CTNNA2: variants seen among roughly 807,000 people sequenced by gnomAD.
CTNNA2 encodes catenin alpha 2.
Under a neutral mutation model 101.0 loss-of-function variants are expected in CTNNA2, and 42 were observed. That is an observed-to-expected ratio of 0.42 (90% CI 0.32 to 0.54). The LOEUF (loss-of-function observed/expected upper bound fraction) is 0.54, where lower values mean the gene tolerates loss of function less well. CTNNA2 is among the 20% of genes least tolerant of loss of function. CTNNA2 has a pLI of 0.14. For synonymous variants in CTNNA2, 450 were observed against 456.4 expected, an observed-to-expected ratio of 0.99 and a Z score of 0.18; for missense variants, 871 against 1,223.1, an observed-to-expected ratio of 0.71 and a Z score of 4.29.
At chr2:79,496,154 A>C (rs1671253839) in intron 4 of CTNNA2, among the ~76,000 whole-genome samples, 1 of 152,192 alleles carries the variant, frequency 6.6e-6, no homozygotes, top group African/African-American at 2.4e-5. Flanking sequence ...CTAAACAAAT[A>C]ATATTCTAAA....
chr2:79,374,965 T>A (rs1448211224), intron 4 of CTNNA2, among the ~76,000 whole-genome samples: 2 of 151,976 alleles, frequency 1.3e-5, no homozygotes, highest in East Asian at 3.9e-4. Context: ...TAACAGAGAG[T>A]GAGGGATGGA....
intron 2 of CTNNA2, among the ~76,000 whole-genome samples, chr2:79,245,811 G>C (rs1558585499): frequency 6.6e-6 from 1 of 152,082 alleles, no homozygotes; most frequent in Non-Finnish European, 1.5e-5. Context: ...CTAATGTTTT[G>C]AGCTTCAGGT....
intron 4 of CTNNA2, among the ~76,000 whole-genome samples, chr2:79,404,145 A>G (rs114329869): frequency 0.41 from 61,168 of 149,618 alleles, 13,330 homozygotes; most frequent in Non-Finnish European, 0.49. Flanking sequence ...AATAAATGTA[A>G]AAAAAAAAAA....
chr2:79,298,457 C>T (rs1475951792), intron 2 of CTNNA2, among the ~76,000 whole-genome samples: 1 of 152,118 alleles, frequency 6.6e-6, no homozygotes, highest in Non-Finnish European at 1.5e-5. Flanking sequence ...AATTATACAT[C>T]ACCGCTACAA....
intron 7 of CTNNA2, among the ~76,000 whole-genome samples, chr2:80,280,788 C>A (rs181025617): frequency 1.7e-4 from 26 of 152,134 alleles, no homozygotes; most frequent in African/African-American, 5.8e-4. Context: ...ACATAAATTA[C>A]CCTTTTGCCC....
At chr2:79,954,132 G>A (rs1411651821) in intron 7 of CTNNA2, among the ~76,000 whole-genome samples, 1 of 152,142 alleles carries the variant, frequency 6.6e-6, no homozygotes, top group Non-Finnish European at 1.5e-5. Context: ...AGAGAAGTGA[G>A]TGAGGACACA....
chr2:79,255,995 A>C (rs529952786), intron 2 of CTNNA2, among the ~76,000 whole-genome samples: 30 of 152,330 alleles, frequency 2.0e-4, no homozygotes, highest in African/African-American at 7.2e-4. Flanking sequence ...AACTCTGTTC[A>C]TCAGAGTATC....
Position 80,068,947 on chromosome 2 carries a change from T to C in CTNNA2, c.1056+159150T>C, listed in dbSNP as rs114232454. 3.0e-3 allele frequency among the ~76,000 whole-genome samples: 463 copies of C among 152,330 alleles called. 3 individuals carry two copies. The highest frequency in any genetic ancestry group is 0.01 in the African/African-American group (420 of 41,582). On this transcript the variant is annotated intron_variant, in intron 7 of 18. Coordinates refer to ENST00000402739, the MANE Select transcript of CTNNA2 (RefSeq NM_001282597.3). Reference sequence around the variant, plus strand: ...CAAGGACCTAACACAGGCACTGCATTAGTCAGGATTCTCCAGAGAAACAAC... The same window carrying C: ...CAAGGACCTAACACAGGCACTGCATCAGTCAGGATTCTCCAGAGAAACAAC...
At chr2:80,081,438 A>G (rs1408239319) in intron 7 of CTNNA2, among the ~76,000 whole-genome samples, 1 of 152,070 alleles carries the variant, frequency 6.6e-6, no homozygotes, top group African/African-American at 2.4e-5. Context: ...CAATCTATAA[A>G]CGCTGGGGTG....
At chr2:79,768,780 C>T (rs1030622158) in intron 3 of CTNNA2, among the ~76,000 whole-genome samples, 2 of 152,130 alleles carry the variant, frequency 1.3e-5, no homozygotes, top group African/African-American at 4.8e-5. Context: ...CTAACACACG[C>T]CAACTCTCTC....
At chr2:79,710,405 A>G (rs768125086) in intron 2 of CTNNA2, among the ~76,000 whole-genome samples, 3 of 152,100 alleles carry the variant, frequency 2.0e-5, no homozygotes, top group East Asian at 1.9e-4. Context: ...GCTTACACCT[A>G]TTTTGAACTG....
chr2:80,595,661 T>G (rs553183732), intron 15 of CTNNA2, among the ~76,000 whole-genome samples: 11 of 152,332 alleles, frequency 7.2e-5, no homozygotes, highest in Non-Finnish European at 1.5e-4. Context: ...TTGACAGTTT[T>G]TTTTAAAGCT....
At chr2:80,543,649 C>T (rs1410211812) in intron 9 of CTNNA2, among the ~76,000 whole-genome samples, 1 of 152,194 alleles carries the variant, frequency 6.6e-6, no homozygotes, top group Non-Finnish European at 1.5e-5. Flanking sequence ...TGTGAAGTGA[C>T]TTATAAAGAT....
intron 1 of CTNNA2, among the ~76,000 whole-genome samples, chr2:79,572,819 G>A (rs1023140068): frequency 6.6e-6 from 1 of 152,124 alleles, no homozygotes; most frequent in Non-Finnish European, 1.5e-5. Context: ...AGTCTGTGAT[G>A]ATCAGAAAAT....
At chr2:79,963,999 A>G (rs1689844423) in intron 7 of CTNNA2, among the ~76,000 whole-genome samples, 1 of 152,176 alleles carries the variant, frequency 6.6e-6, no homozygotes, top group Non-Finnish European at 1.5e-5. Context: ...TTGCCTTTGA[A>G]TGGAGTAAAA....
intron 7 of CTNNA2, among the ~76,000 whole-genome samples, chr2:80,042,541 G>A (rs954576375): frequency 1.3e-5 from 2 of 152,108 alleles, no homozygotes; most frequent in Non-Finnish European, 2.9e-5. Context: ...AGCATGGATG[G>A]CAAATCTTCA....
chr2:80,626,725 A>AT (rs1212845816), intron 18 of CTNNA2, among the ~76,000 whole-genome samples: 1 of 151,866 alleles, frequency 6.6e-6, no homozygotes, highest in Non-Finnish European at 1.5e-5. Flanking sequence ...CTTTTTTTTA[A>AT]TTATTAGACT....
chr2:80,625,097 TATAAGTTAAA>T (rs1671549451), intron 18 of CTNNA2, among the ~76,000 whole-genome samples: 1 of 151,970 alleles, frequency 6.6e-6, no homozygotes, highest in Non-Finnish European at 1.5e-5. Context: ...ATCTGAAGAA[TATAAGTTAAA>T]TAATGTTAAA....
At chr2:79,332,727 A>T (rs891121422) in intron 3 of CTNNA2, among the ~76,000 whole-genome samples, 11 of 152,106 alleles carry the variant, frequency 7.2e-5, no homozygotes, top group Admixed American at 6.5e-4. Flanking sequence ...TAAAGGCATG[A>T]CCTTGGAAAA....
Sources: gnomAD v4.1 joint callset for allele counts (sites outside exome capture counted in the v4.1 genomes callset) on GRCh38, gnomAD v4.1.1 for gene constraint, MANE v1.5 for transcripts, NCBI Gene and HGNC (gene_info 2026-07-23, HGNC 2026-07-21) for gene names.